Variants in CEP131 observed in about 807,000 individuals in gnomAD.
The protein encoded by CEP131 is centrosomal protein 131, also known as centrosomal protein of 131 kDa.
Under a neutral mutation model 136.8 loss-of-function variants are expected in CEP131, and 99 were observed. The ratio of observed to expected loss-of-function variants is 0.72; its 90% CI spans 0.62 to 0.86. The LOEUF is 0.86. CEP131 is among the 40% of genes least tolerant of loss of function. The pLI, the probability that CEP131 is intolerant of heterozygous loss-of-function variation, is 0.00. For synonymous variants in CEP131, 646 were observed against 612.7 expected (o/e 1.05, Z -0.80); for missense variants, 1,459 against 1,463.0 (o/e 1.00, Z 0.04).
intron 11 of CEP131, 130 bp downstream of exon 11, chr17:81,198,747 C>T (rs2061823520): frequency 1.0e-5 from 9 of 904,460 alleles, no homozygotes; most frequent in Non-Finnish European, 1.5e-5. Flanking sequence ...TCCTGGGTGG[C>T]CTCTCTGAGC....
chr17:81,202,741 C>A (rs112283793), intron 6 of CEP131, among the ~76,000 whole-genome samples: 1,719 of 152,302 alleles, frequency 0.011, 21 homozygotes, highest in South Asian at 0.031. Context: ...GCGGGCGGAT[C>A]ACCTGAGGTC....
At chr17:81,206,493 C>T (rs1002500430) in intron 5 of CEP131, among the ~76,000 whole-genome samples, 6 of 152,184 alleles carry the variant, frequency 3.9e-5, no homozygotes, top group Non-Finnish European at 5.9e-5. Context: ...CCCTCTCAGC[C>T]CCATGTGAGC....
At chr17:81,202,955 A>G (rs1459742714) in intron 6 of CEP131, among the ~76,000 whole-genome samples, 4 of 138,236 alleles carry the variant, frequency 2.9e-5, no homozygotes, top group Admixed American at 2.1e-4. Flanking sequence ...CAAGAATGAA[A>G]CTCCATTTCA....
At chr17:81,205,204 A>C (rs1315642184) in intron 5 of CEP131, among the ~76,000 whole-genome samples, 1 of 151,252 alleles carries the variant, frequency 6.6e-6, no homozygotes, top group African/African-American at 2.4e-5. Context: ...GGTTGCGGTG[A>C]GCCGAGATCA....
At position 81,191,150 on chromosome 17, in the gene CEP131, G is replaced by A. The variant is rs79050108; in HGVS notation, c.2765+43C>T. 247 of 1,608,084 alleles carry A rather than the reference G, an allele frequency of 1.5e-4. No individual in the cohort carries two copies. The African/African-American group carries it at 2.9e-3, about 19-fold the overall frequency. ...CACACGGGTCCTTGCGCCTCAGCTC[G>A]TGGGCCTCCCCAGCTGGTGACCCAG... On this transcript the variant is annotated intron_variant, in intron 22 of 25. Transcript: ENST00000450824.
At chr17:81,199,095 C>G in intron 10 of CEP131, 124 bp from the exon 11 acceptor site, 1 of 967,222 alleles carries the variant, frequency 1.0e-6, no homozygotes, top group East Asian at 2.6e-5. Flanking sequence ...GCAGAGGAGC[C>G]GCTGGGGAGC....
intron 7 of CEP131, 116 bp from the exon 8 acceptor site, chr17:81,200,562 A>C: frequency 4.0e-6 from 3 of 759,108 alleles, no homozygotes; most frequent in Non-Finnish European, 4.4e-6. Context: ...GCACTCAAGT[A>C]GCCCTTTTCA....
chr17:81,201,073 T>C lies in CEP131; in HGVS notation c.789-627A>G, dbSNP rs1321701590. Reference sequence around the variant, plus strand: ...GTATACAAATTATACTAAGTAAAACTGATTAAGCAAAAAAAAAAATGCTTC... The same window carrying C: ...GTATACAAATTATACTAAGTAAAACCGATTAAGCAAAAAAAAAAATGCTTC... On this transcript the variant is annotated intron_variant, in intron 7 of 25. Coordinates refer to ENST00000450824, the MANE Select transcript of CEP131 (RefSeq NM_014984.4). Among the ~76,000 whole-genome samples, 3 of 151,958 alleles carry C rather than the reference T, an allele frequency of 2.0e-5. 1 individual carries two copies. In the East Asian group the frequency reaches 5.8e-4, roughly 29 times the overall value.
At chr17:81,192,094 C>T (rs2061652829) in intron 21 of CEP131, among the ~76,000 whole-genome samples, 1 of 152,064 alleles carries the variant, frequency 6.6e-6, no homozygotes, top group Admixed American at 6.5e-5. Context: ...ACAGAGGATG[C>T]GCTCCAGGCA....
At chr17:81,206,276 C>T (rs1278847801) in intron 5 of CEP131, among the ~76,000 whole-genome samples, 2 of 152,196 alleles carry the variant, frequency 1.3e-5, no homozygotes, top group Admixed American at 6.5e-5. Flanking sequence ...GGTCTCTCCC[C>T]TGAGACTATT....
Position 81,191,088 on chromosome 17 carries a change from G to A in CEP131, c.2766-4C>T. The A allele has an allele frequency of 3.7e-6, 6 of 1,600,206 alleles. No individual in the cohort carries two copies. The highest frequency in any genetic ancestry group is 5.1e-6 in the Non-Finnish European group (6 of 1,172,180). ...CTTGTCCCGTAAGCGCTTGATGCTG[G>A]AGGTGGGGGGAGGGCAGGGTCACTC... On this transcript the variant is annotated splice_polypyrimidine_tract_variant and splice_region_variant and intron_variant, in intron 22 of 25. Transcript: ENST00000450824.
chr17:81,212,270 C>T (rs1483892042), intron 2 of CEP131, among the ~76,000 whole-genome samples: 2 of 146,804 alleles, frequency 1.4e-5, no homozygotes, highest in Non-Finnish European at 3.0e-5. Context: ...TGCAGTGAGC[C>T]GAGATTGCGC....
intron 1 of CEP131, among the ~76,000 whole-genome samples, chr17:81,221,246 G>A (rs2062382822): frequency 6.6e-6 from 1 of 152,052 alleles, no homozygotes. Flanking sequence ...TTCCAGCAGG[G>A]GACGGGGGTT....
In CEP131 at chr17:81,191,418, C is replaced by A; in HGVS notation, c.2623-83G>T. 12 of 1,355,336 alleles carry A rather than the reference C, an allele frequency of 8.9e-6. No individual in the cohort carries two copies. The South Asian group carries it at 1.1e-4, about 12-fold the overall frequency. 84.0% of individuals were successfully genotyped at this position (1,355,336 alleles called of 1,614,324 possible). A position where few individuals can be genotyped will look rare whatever the true frequency, so the allele number is the denominator to read the frequency against. ...GCCAGCCTCAGGGGGTCCTGGGGGG[C>A]TCCAGGCTCTGAGCCACAGGGGAGC... On this transcript the variant is annotated intron_variant, in intron 21 of 25. Transcript: ENST00000450824.
At chr17:81,200,575 A>G (rs1369351100) in intron 7 of CEP131, 129 bp from the exon 8 acceptor site, 4 of 682,518 alleles carry the variant, frequency 5.9e-6, no homozygotes, top group Non-Finnish European at 1.0e-5. Context: ...CCTTTTCACA[A>G]GGCAGGACCA....
chr17:81,194,080 C>A lies in CEP131; in HGVS notation c.2167G>T (p.Val723Leu). The change falls in exon 18 of 26, where the codon GTG becomes TTG. Residue 723 changes from valine (V) to leucine (L), a missense_variant. By Grantham distance (32) the Val-to-Leu change is conservative. This residue lies in a region of CEP131 where 1,026 missense variants were observed against 964.2 expected (regional missense o/e 1.06). Transcript: ENST00000450824. The part of the protein sequence containing the change: ...QKLIARHKQE[V>L]RRLKSLHEAE... ...TCGTGCAGGCTCTTGAGCCTCCGCACTTCCTGCTTGTGCCTTGCAATCAGC... is the reference window on the plus strand; with the variant it reads ...TCGTGCAGGCTCTTGAGCCTCCGCAATTCCTGCTTGTGCCTTGCAATCAGC... The A allele has an allele frequency of 2.5e-6, 4 of 1,578,616 alleles. No individual in the cohort carries two copies. Among genetic ancestry groups the A allele is most frequent in the Non-Finnish European group, 3.4e-6 (4 of 1,163,182 alleles).
intron 5 of CEP131, among the ~76,000 whole-genome samples, chr17:81,206,310 C>T (rs1381053003): frequency 2.6e-5 from 4 of 152,174 alleles, no homozygotes; most frequent in South Asian, 4.1e-4. Flanking sequence ...CTCTAAATGC[C>T]GGAGGAAAAA....
At chr17:81,190,064 C>T (rs2061605253) in intron 24 of CEP131, 89 bp from the exon 25 acceptor site, 5 of 1,171,588 alleles carry the variant, frequency 4.3e-6, no homozygotes, top group Middle Eastern at 2.8e-4. Flanking sequence ...GGGGCAGCCG[C>T]CTGGTCAGCC....
rs931856164 is a variant in CEP131 at position 81,222,910 on chromosome 17, C to G, written c.-159G>C. 2.6e-5 allele frequency: 4 copies of G among 152,434 alleles called. No individual in the cohort carries two copies. The highest frequency in any genetic ancestry group is 7.2e-5 in the African/African-American group (3 of 41,586). The allele number at this position is 152,434 out of a possible 1,614,324, so 9.4% of individuals were successfully genotyped here. On this transcript the variant is annotated 5_prime_UTR_variant, in exon 1 of 26. Coordinates refer to ENST00000450824, the MANE Select transcript of CEP131 (RefSeq NM_014984.4). Reference sequence around the variant, plus strand: ...CGCCCCGCCACCCCCAACACTGCCCCGAGGCCCGGTGACAATGAAGCGGCC... The same window carrying G: ...CGCCCCGCCACCCCCAACACTGCCCGGAGGCCCGGTGACAATGAAGCGGCC...
Sources: allele counts gnomAD v4.1 joint callset (sites outside exome capture counted in the v4.1 genomes callset), GRCh38; gene constraint gnomAD v4.1.1; regional missense constraint gnomAD v4.1.1; transcripts MANE v1.5; gene names NCBI Gene and HGNC (gene_info 2026-07-23, HGNC 2026-07-21).